Variants in COL22A1 observed in about 807,000 individuals in gnomAD.
COL22A1 encodes collagen alpha-1(XXII) chain.
COL22A1 carries 221 observed loss-of-function variants against 248.9 expected under a neutral mutation model. The ratio of observed to expected loss-of-function variants is 0.89; its 90% CI spans 0.80 to 0.99. COL22A1 has a LOEUF of 0.99. Ranked by LOEUF, COL22A1 falls within the 50% of genes least tolerant of loss-of-function variation. The pLI, the probability that COL22A1 is intolerant of heterozygous loss-of-function variation, is 0.00. For missense variants in COL22A1, 2,240 were observed against 2,179.0 expected (o/e 1.03, Z -0.56); for synonymous variants, 891 against 793.4 (o/e 1.12, Z -2.07).
intron 1 of COL22A1, among the ~76,000 whole-genome samples, chr8:138,910,737 G>A (rs1815394584): frequency 1.3e-5 from 2 of 152,074 alleles, no homozygotes; most frequent in African/African-American, 4.8e-5. Flanking sequence ...ATCATTCCCA[G>A]CATGTGCAAA....
At chr8:138,822,477 C>T (rs1159371935) in intron 6 of COL22A1, among the ~76,000 whole-genome samples, 1 of 152,202 alleles carries the variant, frequency 6.6e-6, no homozygotes, top group Non-Finnish European at 1.5e-5. Flanking sequence ...AGGAACACAA[C>T]ACAATCAGTG....
intron 28 of COL22A1, 29 bp from the exon 29 acceptor site, chr8:138,716,318 C>G: frequency 6.5e-7 from 1 of 1,537,152 alleles, no homozygotes; most frequent in South Asian, 1.2e-5. Context: ...CACAAGGCGT[C>G]AACAGGAAGG....
chr8:138,785,727 T>C (rs1297218643), intron 12 of COL22A1, among the ~76,000 whole-genome samples: 1 of 152,192 alleles, frequency 6.6e-6, no homozygotes, highest in African/African-American at 2.4e-5. Flanking sequence ...CGTTGTTGGT[T>C]CTTTCAAATA....
At chr8:138,782,788 G>C (rs138819190) in intron 12 of COL22A1, among the ~76,000 whole-genome samples, 2,136 of 152,180 alleles carry the variant, frequency 0.014, 25 homozygotes, top group Middle Eastern at 0.027. Context: ...TCCTGGTACT[G>C]TCCGTTCTCC....
At position 138,607,953 on chromosome 8, in the gene COL22A1, C is replaced by T; in HGVS notation, c.4015G>A (p.Gly1339Ser). 6.2e-7 allele frequency: 1 copy of T among 1,614,078 alleles called. No homozygotes were observed. Among genetic ancestry groups the T allele is most frequent in the Non-Finnish European group, 8.5e-7 (1 of 1,179,982 alleles). ...NGSPGSPGEP[G>S]PSGTPGQKGS... ...GAACTCACAGGGGTTCCTGAAGGGCCAGGCTCTCCTGGAGATCCCGGTGAT... is the reference window on the plus strand; with the variant it reads ...GAACTCACAGGGGTTCCTGAAGGGCTAGGCTCTCCTGGAGATCCCGGTGAT... The change falls in exon 57 of 65, where the codon GGC becomes AGC. Residue 1339 changes from glycine (G) to serine (S), a missense_variant. By Grantham distance (56) the Gly-to-Ser change is moderately conservative. Transcript: ENST00000303045.
intron 13 of COL22A1, among the ~76,000 whole-genome samples, chr8:138,780,509 G>T (rs1034046083): frequency 6.6e-6 from 1 of 152,184 alleles, no homozygotes; most frequent in Admixed American, 6.5e-5. Flanking sequence ...AAGAGGTGGG[G>T]TTTGGGGTAA....
At chr8:138,660,004 T>C (rs1823637218) in intron 44 of COL22A1, among the ~76,000 whole-genome samples, 1 of 152,218 alleles carries the variant, frequency 6.6e-6, no homozygotes, top group Non-Finnish European at 1.5e-5. Flanking sequence ...CTTTTCACCC[T>C]TCTCTGTCCC....
chr8:138,617,761 G>A (rs1819454910), intron 53 of COL22A1, among the ~76,000 whole-genome samples: 1 of 152,148 alleles, frequency 6.6e-6, no homozygotes, highest in African/African-American at 2.4e-5. Context: ...TGGGACCATG[G>A]CTCCCATTTT....
intron 3 of COL22A1, among the ~76,000 whole-genome samples, chr8:138,866,626 G>A (rs1346878690): frequency 6.6e-6 from 1 of 152,184 alleles, no homozygotes; most frequent in East Asian, 1.9e-4. Flanking sequence ...ACACCTATAT[G>A]CTGCAGTCTC....
At position 138,700,787 on chromosome 8, in the gene COL22A1, G is replaced by A. The variant is rs563904746; in HGVS notation, c.2560-643C>T. On this transcript the variant is annotated intron_variant, in intron 31 of 64. Transcript: ENST00000303045. ...ATCACGAGGTCAGGAGATTGAGACC[G>A]CCCTGGCTAACATGGTGAAACCCAG... is the stretch of plus-strand genomic sequence containing the variant. Among the ~76,000 whole-genome samples, 71 of 152,012 alleles carry A rather than the reference G, an allele frequency of 4.7e-4. No individual in the cohort carries two copies. The South Asian group carries it at 6.1e-3, about 13-fold the overall frequency.
chr8:138,784,946 C>G (rs546480356), intron 12 of COL22A1, among the ~76,000 whole-genome samples: 1 of 152,138 alleles, frequency 6.6e-6, no homozygotes, highest in Non-Finnish European at 1.5e-5. Context: ...TAATAGTGTC[C>G]GAACTCACAT....
chr8:138,870,988 G>A (rs972935515), intron 3 of COL22A1, among the ~76,000 whole-genome samples: 2 of 151,950 alleles, frequency 1.3e-5, no homozygotes, highest in South Asian at 2.1e-4. Flanking sequence ...GGAGTCTCAG[G>A]CCAGGCAGAG....
At chr8:138,728,971 G>A (rs1371131305) in intron 23 of COL22A1, among the ~76,000 whole-genome samples, 1 of 152,030 alleles carries the variant, frequency 6.6e-6, no homozygotes, top group Non-Finnish European at 1.5e-5. Context: ...GAGCCCGTGA[G>A]CATAACATCC....
intron 22 of COL22A1, among the ~76,000 whole-genome samples, chr8:138,739,915 T>C (rs1831419536): frequency 6.6e-6 from 1 of 152,174 alleles, no homozygotes; most frequent in African/African-American, 2.4e-5. Flanking sequence ...ATGAGTTTCT[T>C]GATACTTGCC....
At chr8:138,765,011 G>C (rs1169291707) in intron 16 of COL22A1, among the ~76,000 whole-genome samples, 1 of 152,178 alleles carries the variant, frequency 6.6e-6, no homozygotes, top group Non-Finnish European at 1.5e-5. Context: ...GACACTTGGG[G>C]CGAATGGTGA....
At chr8:138,644,471 C>T (rs1822020524) in intron 47 of COL22A1, among the ~76,000 whole-genome samples, 2 of 151,242 alleles carry the variant, frequency 1.3e-5, no homozygotes, top group South Asian at 4.2e-4. Flanking sequence ...CCTAGGCCCC[C>T]CAACCAACTG....
chr8:138,899,194 T>C (rs554245942), intron 1 of COL22A1, among the ~76,000 whole-genome samples: 54 of 152,310 alleles, frequency 3.5e-4, no homozygotes, highest in African/African-American at 1.2e-3. Context: ...TTCATTTATT[T>C]TTGTCCATTG....
chr8:138,659,326 G>C (rs1823583524), intron 44 of COL22A1, among the ~76,000 whole-genome samples: 1 of 152,080 alleles, frequency 6.6e-6, no homozygotes, highest in Non-Finnish European at 1.5e-5. Context: ...GATAAGGGAT[G>C]GGGGGTCATC....
intron 63 of COL22A1, 136 bp from the exon 64 acceptor site, chr8:138,591,637 C>A: frequency 1.9e-6 from 1 of 532,018 alleles, no homozygotes; most frequent in East Asian, 3.4e-5. Flanking sequence ...TGAGCACACA[C>A]ACTCATGCCG....
Sources: gnomAD v4.1 joint callset for allele counts (sites outside exome capture counted in the v4.1 genomes callset) on GRCh38, gnomAD v4.1.1 for gene constraint, MANE v1.5 for transcripts, NCBI Gene and HGNC (gene_info 2026-07-23, HGNC 2026-07-21) for gene names.